MFHAS1: variants seen among roughly 807,000 people sequenced by gnomAD.
MFHAS1 encodes malignant fibrous histiocytoma-amplified sequence 1.
In MFHAS1, 50 loss-of-function variants were observed where a neutral mutation model predicts 70.4. The observed-to-expected ratio is 0.71, with a 90% CI of 0.57 to 0.90. MFHAS1 has a LOEUF of 0.90. Ranked by LOEUF, MFHAS1 falls within the 40% of genes least tolerant of loss-of-function variation. MFHAS1 has a pLI of 0.00. For synonymous variants in MFHAS1, 952 were observed against 620.0 expected (o/e 1.54, Z -7.96); for missense variants, 1,795 against 1,347.6 (o/e 1.33, Z -5.20).
Position 8,839,277 on chromosome 8 carries a change from G to C in MFHAS1, c.2999-41786C>G, listed in dbSNP as rs549989622. Among the ~76,000 whole-genome samples, 124 of 152,088 alleles carry C rather than the reference G, an allele frequency of 8.2e-4. 1 individual carries two copies. Among genetic ancestry groups the C allele is most frequent in the Middle Eastern group, 3.4e-3 (1 of 294 alleles). ...TTTTTTCTTCTCAACAGTATGCAAA[G>C]ACTCTAATTTCTCCACATCTTCATC... is the stretch of plus-strand genomic sequence containing the variant. On this transcript the variant is annotated intron_variant, in intron 1 of 2. Coordinates refer to ENST00000276282, the MANE Select transcript of MFHAS1 (RefSeq NM_004225.3).
chr8:8,818,026 TC>T (rs1000844578), intron 1 of MFHAS1, among the ~76,000 whole-genome samples: 6 of 152,220 alleles, frequency 3.9e-5, no homozygotes, highest in African/African-American at 1.4e-4. Flanking sequence ...ACATACATTC[TC>T]ACCTATGCAT....
chr8:8,839,723 T>C (rs554205734), intron 1 of MFHAS1, among the ~76,000 whole-genome samples: 5 of 152,348 alleles, frequency 3.3e-5, no homozygotes, highest in African/African-American at 1.2e-4. Flanking sequence ...TAATATATTA[T>C]TGATTACATA....
chr8:8,834,148 A>T (rs1807514232), intron 1 of MFHAS1, among the ~76,000 whole-genome samples: 1 of 151,978 alleles, frequency 6.6e-6, no homozygotes, highest in Non-Finnish European at 1.5e-5. Context: ...AAACAAAACA[A>T]ACAAACAAAC....
At chr8:8,793,429 G>A (rs964771) in intron 2 of MFHAS1, among the ~76,000 whole-genome samples, 47,635 of 152,058 alleles carry the variant, frequency 0.31, 8,513 homozygotes, top group African/African-American at 0.47. Context: ...CCAAAGAAGA[G>A]CTTGGAATGT....
chr8:8,883,524 A>G (rs1346982057), intron 1 of MFHAS1, among the ~76,000 whole-genome samples: 5 of 151,886 alleles, frequency 3.3e-5, no homozygotes, highest in Admixed American at 3.3e-4. Flanking sequence ...CCTGGCCAAC[A>G]TGGTGAAACC....
intron 1 of MFHAS1, among the ~76,000 whole-genome samples, chr8:8,841,507 T>A (rs1036908377): frequency 6.6e-6 from 1 of 151,916 alleles, no homozygotes; most frequent in Non-Finnish European, 1.5e-5. Flanking sequence ...TTGCTGGGAA[T>A]GGATCCACCA....
At chr8:8,810,310 G>A (rs1264342974) in intron 1 of MFHAS1, among the ~76,000 whole-genome samples, 1 of 152,232 alleles carries the variant, frequency 6.6e-6, no homozygotes, top group African/African-American at 2.4e-5. Flanking sequence ...AGGTTGCAGT[G>A]AGCCTAGATC....
chr8:8,849,356 C>T (rs1344626437), intron 1 of MFHAS1, among the ~76,000 whole-genome samples: 1 of 152,102 alleles, frequency 6.6e-6, no homozygotes, highest in Non-Finnish European at 1.5e-5. Context: ...GCTGGGATTA[C>T]AAGTGTGAGC....
At chr8:8,836,096 A>G (rs1325042387) in intron 1 of MFHAS1, among the ~76,000 whole-genome samples, 5 of 152,254 alleles carry the variant, frequency 3.3e-5, no homozygotes, top group Non-Finnish European at 7.3e-5. Context: ...ATGCTGAACC[A>G]TGCAAGACAG....
intron 1 of MFHAS1, among the ~76,000 whole-genome samples, chr8:8,844,507 T>C (rs1210923059): frequency 6.6e-6 from 1 of 152,216 alleles, no homozygotes; most frequent in African/African-American, 2.4e-5. Flanking sequence ...TTGCACCAGC[T>C]TCTTATCTGA....
At chr8:8,821,522 C>A (rs1806956335) in intron 1 of MFHAS1, among the ~76,000 whole-genome samples, 1 of 152,192 alleles carries the variant, frequency 6.6e-6, no homozygotes, top group South Asian at 2.1e-4. Context: ...ACCAGTCAAT[C>A]ATCACTGATT....
At chr8:8,878,802 A>G (rs552244027) in intron 1 of MFHAS1, among the ~76,000 whole-genome samples, 12 of 152,304 alleles carry the variant, frequency 7.9e-5, no homozygotes, top group African/African-American at 2.9e-4. Context: ...CATAGACTTC[A>G]TTTTAGGAAT....
At chr8:8,817,995 C>T (rs567627639) in intron 1 of MFHAS1, among the ~76,000 whole-genome samples, 18 of 152,244 alleles carry the variant, frequency 1.2e-4, no homozygotes, top group African/African-American at 3.1e-4. Context: ...ACTGAGGACC[C>T]CTGCTCTAGC....
intron 1 of MFHAS1, among the ~76,000 whole-genome samples, chr8:8,820,702 C>T (rs907256376): frequency 2.6e-5 from 4 of 152,172 alleles, no homozygotes; most frequent in Admixed American, 1.3e-4. Flanking sequence ...GGGCTGGCTC[C>T]CGCTCTGAGA....
chr8:8,883,825 A>C (rs927876941), intron 1 of MFHAS1, among the ~76,000 whole-genome samples: 1 of 151,904 alleles, frequency 6.6e-6, no homozygotes, highest in African/African-American at 2.4e-5. Context: ...TTCCCCTCCT[A>C]TAATACAGAG....
At chr8:8,786,776 G>A (rs1488007083) in intron 2 of MFHAS1, among the ~76,000 whole-genome samples, 4 of 150,670 alleles carry the variant, frequency 2.7e-5, no homozygotes, top group East Asian at 3.9e-4. Flanking sequence ...GTTACGATTC[G>A]TTTCCTCCAA....
intron 1 of MFHAS1, among the ~76,000 whole-genome samples, chr8:8,827,259 G>C (rs1012230021): frequency 4.6e-5 from 7 of 152,310 alleles, no homozygotes; most frequent in Non-Finnish European, 8.8e-5. Flanking sequence ...TATCTGCGTA[G>C]TTATTTTTGT....
intron 1 of MFHAS1, among the ~76,000 whole-genome samples, chr8:8,887,889 C>T (rs1349370074): frequency 6.6e-6 from 1 of 150,660 alleles, no homozygotes; most frequent in Non-Finnish European, 1.5e-5. Context: ...CCTCCAGCCT[C>T]GCCCCTAACT....
At chr8:8,858,270 C>G (rs1808520990) in intron 1 of MFHAS1, among the ~76,000 whole-genome samples, 1 of 152,236 alleles carries the variant, frequency 6.6e-6, no homozygotes, top group Middle Eastern at 3.4e-3. Flanking sequence ...TTTATTCAGT[C>G]CTTACAAGAG....
Sources: allele counts gnomAD v4.1 joint callset (sites outside exome capture counted in the v4.1 genomes callset), GRCh38; gene constraint gnomAD v4.1.1; transcripts MANE v1.5; gene names NCBI Gene and HGNC (gene_info 2026-07-23, HGNC 2026-07-21).